The following ERBB4 variants were observed in gnomAD, a reference collection of about 807,000 sequenced individuals.
ERBB4 encodes the protein erb-b2 receptor tyrosine kinase 4.
A neutral mutation model predicts 158.0 loss-of-function variants in ERBB4; 42 were observed. The ratio of observed to expected loss-of-function variants is 0.27; its 90% CI spans 0.21 to 0.34. ERBB4 has a LOEUF of 0.34. Among genes scored for constraint, ERBB4 ranks in the 10% least tolerant of loss-of-function variants. The pLI is 1.00. For synonymous variants in ERBB4, 583 were observed against 558.7 expected (o/e 1.04, Z -0.61); for missense variants, 1,333 against 1,624.1 (o/e 0.82, Z 3.08).
chr2:212,480,580 T>C (rs915257149), intron 1 of ERBB4, among the ~76,000 whole-genome samples: 6 of 152,218 alleles, frequency 3.9e-5, no homozygotes, highest in African/African-American at 1.4e-4. Flanking sequence ...ATGTGTGCCA[T>C]GCAGCATGTA....
intron 2 of ERBB4, among the ~76,000 whole-genome samples, chr2:212,049,403 G>A (rs1390135134): frequency 1.3e-5 from 2 of 151,800 alleles, no homozygotes; most frequent in Non-Finnish European, 2.9e-5. Context: ...TATTATTGTT[G>A]CTATTGGTGT....
At chr2:212,104,187 A>G (rs1174461123) in intron 2 of ERBB4, among the ~76,000 whole-genome samples, 1 of 151,992 alleles carries the variant, frequency 6.6e-6, no homozygotes, top group Non-Finnish European at 1.5e-5. Context: ...TATAATAATA[A>G]TTTGATTGAT....
intron 1 of ERBB4, among the ~76,000 whole-genome samples, chr2:212,293,005 G>A (rs2086265858): frequency 6.6e-6 from 1 of 151,944 alleles, no homozygotes; most frequent in Admixed American, 6.6e-5. Flanking sequence ...ATATAAATGG[G>A]TATAAATGAG....
intron 1 of ERBB4, among the ~76,000 whole-genome samples, chr2:212,510,709 C>A (rs1176722740): frequency 1.3e-5 from 2 of 152,012 alleles, no homozygotes; most frequent in Admixed American, 1.3e-4. Flanking sequence ...AAAAGCCTAA[C>A]ATCCTATCAA....
At chr2:211,867,386 G>T (rs551219009) in intron 3 of ERBB4, among the ~76,000 whole-genome samples, 1 of 152,118 alleles carries the variant, frequency 6.6e-6, no homozygotes, top group South Asian at 2.1e-4. Flanking sequence ...TCTGCACAAA[G>T]CAAAATTTAC....
At chr2:211,958,427 A>G (rs534062826) in intron 2 of ERBB4, among the ~76,000 whole-genome samples, 58 of 152,224 alleles carry the variant, frequency 3.8e-4, no homozygotes, top group African/African-American at 1.3e-3. Flanking sequence ...ACTATTTCAA[A>G]TAGTACAAAT....
At chr2:212,024,771 AC>A (rs973780730) in intron 2 of ERBB4, among the ~76,000 whole-genome samples, 1 of 151,870 alleles carries the variant, frequency 6.6e-6, no homozygotes, top group Non-Finnish European at 1.5e-5. Flanking sequence ...GAAAGGGTTG[AC>A]TGAGCAGGTG....
chr2:211,615,651 C>A (rs2069357855), intron 19 of ERBB4, among the ~76,000 whole-genome samples: 1 of 152,018 alleles, frequency 6.6e-6, no homozygotes, highest in African/African-American at 2.4e-5. Flanking sequence ...CAAACTGCCC[C>A]TTATTTATTT....
chr2:212,401,054 G>A (rs538554135), intron 1 of ERBB4, among the ~76,000 whole-genome samples: 5 of 152,184 alleles, frequency 3.3e-5, no homozygotes, highest in Admixed American at 2.0e-4. Context: ...TTTTAAGTTA[G>A]GTATAAAAGA....
intron 2 of ERBB4, among the ~76,000 whole-genome samples, chr2:211,993,529 G>A (rs371092386): frequency 1.3e-5 from 2 of 151,804 alleles, no homozygotes; most frequent in African/African-American, 4.8e-5. Context: ...GAAGAAGGAT[G>A]ACAACGTTAT....
intron 2 of ERBB4, among the ~76,000 whole-genome samples, chr2:211,998,529 CAA>C (rs36008694): frequency 2.0e-3 from 234 of 116,232 alleles, no homozygotes; most frequent in Admixed American, 2.8e-3. Flanking sequence ...CTCATACTGC[CAA>C]AAAAAAAAAA....
chr2:211,571,284 A>G (rs2067721879), intron 19 of ERBB4, among the ~76,000 whole-genome samples: 2 of 150,958 alleles, frequency 1.3e-5, no homozygotes, highest in African/African-American at 2.4e-5. Context: ...TTGTTCTCCA[A>G]CCTCCTAGAG....
At chr2:212,506,790 T>C (rs1207321288) in intron 1 of ERBB4, among the ~76,000 whole-genome samples, 1 of 152,148 alleles carries the variant, frequency 6.6e-6, no homozygotes, top group Non-Finnish European at 1.5e-5. Flanking sequence ...GCTGTCTCCA[T>C]AACAAAAAGC....
chr2:211,702,419 C>T (rs960987789), intron 11 of ERBB4, among the ~76,000 whole-genome samples: 5 of 152,044 alleles, frequency 3.3e-5, no homozygotes, highest in Non-Finnish European at 7.4e-5. Context: ...TATGTATTTA[C>T]CACTGAAATA....
chr2:212,010,660 C>T (rs2076364259), intron 2 of ERBB4, among the ~76,000 whole-genome samples: 1 of 152,094 alleles, frequency 6.6e-6, no homozygotes, highest in South Asian at 2.1e-4. Flanking sequence ...ACATCTTAAA[C>T]AACAGAAAAC....
chr2:212,261,500 C>T (rs1207258221), intron 1 of ERBB4, among the ~76,000 whole-genome samples: 1 of 152,126 alleles, frequency 6.6e-6, no homozygotes, highest in East Asian at 1.9e-4. Flanking sequence ...TGGACAAGAA[C>T]AAATCCCAAA....
intron 19 of ERBB4, among the ~76,000 whole-genome samples, chr2:211,598,100 A>T (rs1487759522): frequency 6.6e-6 from 1 of 152,036 alleles, no homozygotes; most frequent in Non-Finnish European, 1.5e-5. Flanking sequence ...ATACACCTCA[A>T]TCTTTTGAAA....
intron 1 of ERBB4, among the ~76,000 whole-genome samples, chr2:212,437,902 G>A (rs16848571): frequency 0.033 from 4,981 of 151,848 alleles, 138 homozygotes; most frequent in South Asian, 0.051. Context: ...CCTTAAGAAA[G>A]CCACCCTGAT....
chr2:211,797,213 A>T lies in ERBB4; in HGVS notation c.422-9054T>A, dbSNP rs188410383. Among the ~76,000 whole-genome samples the T allele has an allele frequency of 6.1e-4, 93 of 152,006 alleles. No individual in the cohort carries two copies. The South Asian group carries it at 0.014, about 23-fold the overall frequency. ...CTGTTCCAAGTTTCCAGAAAATGTA[A>T]TTGCTTCAGTAGAACAAATCAGTAG... On this transcript the variant is annotated intron_variant, in intron 3 of 27. Coordinates refer to ENST00000342788, the MANE Select transcript of ERBB4 (RefSeq NM_005235.3).
Sources: allele counts gnomAD v4.1 joint callset (sites outside exome capture counted in the v4.1 genomes callset), GRCh38; gene constraint gnomAD v4.1.1; transcripts MANE v1.5; gene names NCBI Gene and HGNC (gene_info 2026-07-23, HGNC 2026-07-21).